Variants in RNLS observed in about 807,000 individuals in gnomAD.
RNLS encodes the protein renalase, FAD dependent amine oxidase.
A neutral mutation model predicts 39.8 loss-of-function variants in RNLS; 39 were observed. That is an observed-to-expected ratio of 0.98 (90% confidence interval 0.76 to 1.28). RNLS has a LOEUF of 1.28. Ranked by LOEUF, RNLS falls within the 50% of genes most tolerant of loss-of-function variation. The pLI, the probability that RNLS is intolerant of heterozygous loss-of-function variation, is 0.00. For synonymous variants in RNLS, 147 were observed against 150.7 expected (o/e 0.98, Z 0.18); for missense variants, 410 against 413.3 (o/e 0.99, Z 0.07).
At chr10:88,568,604 G>A (rs928475220) in intron 4 of RNLS, among the ~76,000 whole-genome samples, 2 of 151,878 alleles carry the variant, frequency 1.3e-5, no homozygotes, top group African/African-American at 4.8e-5. Context: ...TCCCAAGCAG[G>A]GAAGAGCATA....
intron 4 of RNLS, among the ~76,000 whole-genome samples, chr10:88,517,002 T>C (rs186327958): frequency 6.6e-6 from 1 of 151,990 alleles, no homozygotes; most frequent in Non-Finnish European, 1.5e-5. Flanking sequence ...CAAAATATGA[T>C]AGAACTGTGT....
In RNLS at chr10:88,439,995, G is replaced by T. The variant is rs1204858664; in HGVS notation, c.527-77270C>A. Reference sequence around the variant, plus strand: ...ACATTGATTCCTTCATGAACTGCTTGTTATATCACTGTGTGCATATCTGTC... The same window carrying T: ...ACATTGATTCCTTCATGAACTGCTTTTTATATCACTGTGTGCATATCTGTC... On this transcript the variant is annotated intron_variant, in intron 4 of 6. Transcript: ENST00000331772. 2.6e-5 allele frequency among the ~76,000 whole-genome samples: 4 copies of T among 152,094 alleles called. No individual in the cohort carries two copies. In the East Asian group the frequency reaches 7.7e-4, roughly 29 times the overall value.
chr10:88,294,498 A>G (rs1351969712), intron 6 of RNLS, among the ~76,000 whole-genome samples: 1 of 152,164 alleles, frequency 6.6e-6, no homozygotes, highest in African/African-American at 2.4e-5. Context: ...CAAATTCAAA[A>G]TGTAATGTTC....
At position 88,285,169 on chromosome 10, in the gene RNLS, A is replaced by G; in HGVS notation, c.*185T>C. 3.9e-6 allele frequency: 5 copies of G among 1,270,496 alleles called. No individual in the cohort carries two copies. In the South Asian group the frequency reaches 1.3e-4, roughly 33 times the overall value. 78.7% of individuals were successfully genotyped at this position (1,270,496 alleles called of 1,614,324 possible). A position where few individuals can be genotyped will look rare whatever the true frequency, so the allele number is the denominator to read the frequency against. On this transcript the variant is annotated 3_prime_UTR_variant, in exon 7 of 7. Transcript: ENST00000331772. ...AAGGTGCAAGGTGTGAGGAATTTCCATTCTAGCATGGGTTGTAACTATCAA... is the reference window on the plus strand; with the variant it reads ...AAGGTGCAAGGTGTGAGGAATTTCCGTTCTAGCATGGGTTGTAACTATCAA...
chr10:88,564,608 T>C (rs1395007700), intron 4 of RNLS, among the ~76,000 whole-genome samples: 2 of 152,172 alleles, frequency 1.3e-5, no homozygotes, highest in Non-Finnish European at 2.9e-5. Context: ...GTACAAGCTC[T>C]GGAGTCATTT....
intron 4 of RNLS, among the ~76,000 whole-genome samples, chr10:88,463,448 C>A (rs1211550410): frequency 6.6e-6 from 1 of 152,042 alleles, no homozygotes; most frequent in Non-Finnish European, 1.5e-5. Flanking sequence ...ATGAAGACTT[C>A]TAGCCTGCAG....
chr10:88,562,934 C>T (rs186415448), intron 4 of RNLS, among the ~76,000 whole-genome samples: 209 of 152,130 alleles, frequency 1.4e-3, no homozygotes, highest in Admixed American at 2.7e-3. Context: ...AACCAAGTAA[C>T]CATAAATCAA....
At chr10:88,179,938 C>T in the RNLS span, among the ~76,000 whole-genome samples, 1 of 152,188 alleles carries the variant, frequency 6.6e-6, no homozygotes, top group Admixed American at 6.5e-5. Flanking sequence ...TTCTTTAGAA[C>T]AGAACATCCA....
the RNLS span, among the ~76,000 whole-genome samples, chr10:88,249,001 T>C: frequency 6.6e-6 from 1 of 152,230 alleles, no homozygotes; most frequent in Non-Finnish European, 1.5e-5. Flanking sequence ...GTGCCAATCC[T>C]GGGCCTGGTC....
At chr10:88,440,968 T>C (rs749239500) in intron 4 of RNLS, among the ~76,000 whole-genome samples, 12 of 152,214 alleles carry the variant, frequency 7.9e-5, no homozygotes, top group Non-Finnish European at 1.6e-4. Context: ...GATCTAAGGG[T>C]GACAATTCTT....
At chr10:88,440,254 A>G (rs767200292) in intron 4 of RNLS, among the ~76,000 whole-genome samples, 1 of 152,166 alleles carries the variant, frequency 6.6e-6, no homozygotes, top group Non-Finnish European at 1.5e-5. Flanking sequence ...GCTTTAGGCT[A>G]AAGTAGTCAT....
intron 4 of RNLS, among the ~76,000 whole-genome samples, chr10:88,539,045 C>T (rs559433251): frequency 2.2e-4 from 34 of 152,138 alleles, no homozygotes; most frequent in Non-Finnish European, 3.8e-4. Flanking sequence ...TGAACATAAA[C>T]TGTAGTTTTA....
chr10:88,553,285 A>G (rs1373323302), intron 4 of RNLS, among the ~76,000 whole-genome samples: 2 of 152,206 alleles, frequency 1.3e-5, no homozygotes, highest in East Asian at 1.9e-4. Context: ...TGCATTTGCA[A>G]TCATCACAGA....
At chr10:88,396,526 A>G (rs1381008058) in intron 4 of RNLS, among the ~76,000 whole-genome samples, 1 of 151,438 alleles carries the variant, frequency 6.6e-6, no homozygotes, top group Non-Finnish European at 1.5e-5. Context: ...ATGATACACT[A>G]GAAGAATTCT....
At chr10:88,481,367 G>C (rs1844159700) in intron 4 of RNLS, among the ~76,000 whole-genome samples, 1 of 151,920 alleles carries the variant, frequency 6.6e-6, no homozygotes, top group Admixed American at 6.6e-5. Context: ...TAAGCCTCTT[G>C]TGTTTTTTTG....
the RNLS span, among the ~76,000 whole-genome samples, chr10:88,200,301 T>A: frequency 6.6e-6 from 1 of 152,232 alleles, no homozygotes; most frequent in African/African-American, 2.4e-5. Flanking sequence ...GCAGCTACCA[T>A]GTATCACATG....
the RNLS span, among the ~76,000 whole-genome samples, chr10:88,224,994 A>C: frequency 6.6e-6 from 1 of 152,250 alleles, no homozygotes; most frequent in East Asian, 1.9e-4. Flanking sequence ...TCTTACTGGA[A>C]AATCCAATGA....
chr10:88,407,247 T>C (rs944658137), intron 4 of RNLS, among the ~76,000 whole-genome samples: 1 of 152,046 alleles, frequency 6.6e-6, no homozygotes, highest in Non-Finnish European at 1.5e-5. Flanking sequence ...GCATGTGGAA[T>C]ACGCCAGCCC....
intron 4 of RNLS, among the ~76,000 whole-genome samples, chr10:88,466,891 A>G (rs1358899751): frequency 3.3e-5 from 5 of 152,332 alleles, no homozygotes; most frequent in South Asian, 2.1e-4. Flanking sequence ...CACTTGCTCA[A>G]TGAAAAATAA....
Sources: allele counts gnomAD v4.1 joint callset (sites outside exome capture counted in the v4.1 genomes callset), GRCh38; gene constraint gnomAD v4.1.1; transcripts MANE v1.5; gene names NCBI Gene and HGNC (gene_info 2026-07-23, HGNC 2026-07-21).